Variants in GALK2 observed in about 807,000 individuals in gnomAD.
The protein encoded by GALK2 is galactokinase 2.
In GALK2, 36 loss-of-function variants were observed where a neutral mutation model predicts 52.4. The ratio of observed to expected loss-of-function variants is 0.69; its 90% CI spans 0.53 to 0.91. GALK2 has a LOEUF of 0.91. Ranked by LOEUF, GALK2 falls within the 40% of genes least tolerant of loss-of-function variation. The pLI, the probability that GALK2 is intolerant of heterozygous loss-of-function variation, is 0.00. For synonymous variants in GALK2, 176 were observed against 199.1 expected (o/e 0.88, Z 0.98); for missense variants, 579 against 559.1 (o/e 1.04, Z -0.36).
chr15:49,177,791 C>G, intron 1 of GALK2: 1 of 513,974 alleles, frequency 1.9e-6, no homozygotes, highest in Non-Finnish European at 3.3e-6. Flanking sequence ...TTTTTTCTGA[C>G]AGCATTATGG....
chr15:49,249,663 C>T (rs1384735099), intron 5 of GALK2, among the ~76,000 whole-genome samples: 1 of 152,112 alleles, frequency 6.6e-6, no homozygotes, highest in Non-Finnish European at 1.5e-5. Context: ...GACTCTCCTC[C>T]CTGTCTAATT....
chr15:49,167,481 C>T (rs1375681759), upstream of GALK2, among the ~76,000 whole-genome samples: 1 of 152,146 alleles, frequency 6.6e-6, no homozygotes, highest in South Asian at 2.1e-4. Context: ...CCTCAGCCTC[C>T]CAAGCTGCTG....
At chr15:49,312,402 A>G (rs1259647394) in intron 8 of GALK2, among the ~76,000 whole-genome samples, 3 of 152,172 alleles carry the variant, frequency 2.0e-5, no homozygotes, top group African/African-American at 7.2e-5. Context: ...GAAGGACATC[A>G]GATTCTATGT....
intron 7 of GALK2, among the ~76,000 whole-genome samples, chr15:49,289,487 G>A (rs2033719214): frequency 6.6e-6 from 1 of 152,226 alleles, no homozygotes; most frequent in African/African-American, 2.4e-5. Flanking sequence ...CTCAGACCAA[G>A]AACAGAGGGC....
At chr15:49,360,453 G>A (rs985015219) in intron 3 of GALK2, among the ~76,000 whole-genome samples, 2 of 152,016 alleles carry the variant, frequency 1.3e-5, no homozygotes, top group Non-Finnish European at 2.9e-5. Flanking sequence ...TTGGCTCTGA[G>A]TTTTCAATTT....
At chr15:49,248,370 G>T (rs75135140) in intron 5 of GALK2, among the ~76,000 whole-genome samples, 9,190 of 152,204 alleles carry the variant, frequency 0.06, 550 homozygotes, top group African/African-American at 0.15. Context: ...CCATATAATG[G>T]TTAAGGAAAA....
At chr15:49,292,192 G>C in intron 7 of GALK2, 135 bp from the exon 8 acceptor site, 1 of 711,194 alleles carries the variant, frequency 1.4e-6, no homozygotes. Context: ...TCCAAGTAAT[G>C]GTGGGAAAGT....
intron 7 of GALK2, among the ~76,000 whole-genome samples, chr15:49,290,599 A>G: frequency 6.6e-6 from 1 of 152,226 alleles, no homozygotes; most frequent in Non-Finnish European, 1.5e-5. Context: ...TGACTGGTTC[A>G]AGAGAGAATG....
chr15:49,219,769 C>T (rs1449931253), intron 3 of GALK2, among the ~76,000 whole-genome samples: 3 of 152,160 alleles, frequency 2.0e-5, no homozygotes, highest in African/African-American at 7.2e-5. Flanking sequence ...CAAGATTGCG[C>T]CACTGCGCTC....
intron 5 of GALK2, among the ~76,000 whole-genome samples, chr15:49,276,619 A>G (rs569512917): frequency 6.6e-5 from 10 of 152,318 alleles, no homozygotes; most frequent in African/African-American, 2.2e-4. Context: ...TTCTATTTTC[A>G]GTGTCCCAAA....
intron 8 of GALK2, among the ~76,000 whole-genome samples, chr15:49,314,917 G>A (rs1225623708): frequency 6.6e-6 from 1 of 152,248 alleles, no homozygotes; most frequent in Admixed American, 6.5e-5. Flanking sequence ...CAACAAAACA[G>A]CTACTGCCAA....
At chr15:49,351,563 GA>G (rs1471008836) in intron 3 of GALK2, among the ~76,000 whole-genome samples, 2 of 152,230 alleles carry the variant, frequency 1.3e-5, no homozygotes, top group Non-Finnish European at 2.9e-5. Flanking sequence ...GTAATGGTGA[GA>G]ACTGAAACTA....
chr15:49,326,556 C>T (rs1361299785), intron 9 of GALK2, among the ~76,000 whole-genome samples: 2 of 152,034 alleles, frequency 1.3e-5, no homozygotes, highest in Admixed American at 6.5e-5. Flanking sequence ...GGCATGACAA[C>T]CATTTTTTAA....
chr15:49,299,081 A>T (rs2034734109), intron 8 of GALK2, among the ~76,000 whole-genome samples: 1 of 152,086 alleles, frequency 6.6e-6, no homozygotes, highest in African/African-American at 2.4e-5. Flanking sequence ...ATTCAATTTT[A>T]GAACTTTTTA....
chr15:49,167,859 T>C (rs993768951), upstream of GALK2, among the ~76,000 whole-genome samples: 10 of 152,238 alleles, frequency 6.6e-5, no homozygotes, highest in Admixed American at 6.5e-5. Context: ...GTTTTGTTTT[T>C]GGTGTCCATT....
At chr15:49,273,694 G>C (rs2031153280) in intron 5 of GALK2, among the ~76,000 whole-genome samples, 1 of 151,988 alleles carries the variant, frequency 6.6e-6, no homozygotes, top group Non-Finnish European at 1.5e-5. Context: ...TCTCTGTCCT[G>C]GATGGGCTCT....
intron 5 of GALK2, among the ~76,000 whole-genome samples, chr15:49,240,771 C>T (rs958397530): frequency 2.6e-5 from 4 of 152,168 alleles, no homozygotes; most frequent in African/African-American, 9.7e-5. Flanking sequence ...AGCAGGAGAT[C>T]AGTTGCTGGG....
At chr15:49,244,033 G>C (rs764119915) in intron 5 of GALK2, among the ~76,000 whole-genome samples, 14 of 151,934 alleles carry the variant, frequency 9.2e-5, no homozygotes, top group Non-Finnish European at 1.8e-4. Flanking sequence ...GAGAAAAACA[G>C]GAAAATTTAT....
chr15:49,299,857 A>G (rs955119859), intron 8 of GALK2, among the ~76,000 whole-genome samples: 1 of 148,114 alleles, frequency 6.8e-6, no homozygotes, highest in Non-Finnish European at 1.5e-5. Context: ...GAATTACTTT[A>G]TGGCTGGGCA....
Sources: allele counts gnomAD v4.1 joint callset (sites outside exome capture counted in the v4.1 genomes callset), GRCh38; gene constraint gnomAD v4.1.1; transcripts MANE v1.5; gene names NCBI Gene and HGNC (gene_info 2026-07-23, HGNC 2026-07-21).